LMBRD2: variants seen among roughly 807,000 people sequenced by gnomAD.
The protein encoded by LMBRD2 is G protein-coupled receptor-associated protein LMBRD2.
Under a neutral mutation model 94.4 loss-of-function variants are expected in LMBRD2, and 55 were observed. That is an observed-to-expected ratio of 0.58 (90% CI 0.47 to 0.73). The LOEUF (loss-of-function observed/expected upper bound fraction) is 0.73, where lower values mean the gene tolerates loss of function less well. LMBRD2 is among the 30% of genes least tolerant of loss of function. The pLI is 0.00. For synonymous variants in LMBRD2, 246 were observed against 272.4 expected (o/e 0.90, Z 0.95); for missense variants, 640 against 831.9 (o/e 0.77, Z 2.84).
intron 15 of LMBRD2, among the ~76,000 whole-genome samples, chr5:36,109,723 AAC>A (rs1357206691): frequency 6.6e-6 from 1 of 152,066 alleles, no homozygotes; most frequent in Non-Finnish European, 1.5e-5. Flanking sequence ...CTCGATGCTA[AAC>A]ACAAAGAAAT....
chr5:36,119,261 T>A lies in LMBRD2; in HGVS notation c.1121-1345A>T, dbSNP rs147345737. Among the ~76,000 whole-genome samples, 498 of 152,270 alleles carry A rather than the reference T, an allele frequency of 3.3e-3. 4 individuals are homozygous for A. Among genetic ancestry groups the A allele is most frequent in the African/African-American group, 0.011 (469 of 41,554 alleles). On this transcript the variant is annotated intron_variant, in intron 9 of 17. Transcript: ENST00000296603. The stretch of plus-strand genomic sequence containing the variant: ...CTACCTCAATTACTTGTTGCTATAG[T>A]GATGCCTAAACCTTTTATTATCAAT...
rs780667885 is a variant in LMBRD2, at chr5:36,137,369, T to C, written c.441A>G (p.Ala147=). The C allele has an allele frequency of 3.1e-6, 5 of 1,607,480 alleles. No individual in the cohort carries two copies. The highest frequency in any genetic ancestry group is 1.7e-4 in the Middle Eastern group (1 of 6,038). ...CATAGTAGATTGCATTCTCAATTAG[T>C]GCAGTTTTGATCTTTCCAGTGATGG... The part of the protein sequence containing the change: ...GFSITGKIKT[A]LIENAIYYGT... Residue 147 remains alanine, a synonymous_variant, in exon 5 of 18, where the codon GCA becomes GCG. Transcript: ENST00000296603.
chr5:36,133,966 A>G (rs934204994), intron 6 of LMBRD2, among the ~76,000 whole-genome samples: 10 of 152,132 alleles, frequency 6.6e-5, no homozygotes, highest in African/African-American at 2.4e-4. Flanking sequence ...ATCTGAAACA[A>G]CTGAATTTAA....
In LMBRD2 at chr5:36,107,297, C is replaced by A. The variant is rs143371460; in HGVS notation, c.1897+1237G>T. Among the ~76,000 whole-genome samples, 138 of 152,340 alleles carry A rather than the reference C, an allele frequency of 9.1e-4. 2 individuals carry two copies. The East Asian group carries it at 0.024, about 26-fold the overall frequency. On this transcript the variant is annotated intron_variant, in intron 16 of 17. Transcript: ENST00000296603. The stretch of plus-strand genomic sequence containing the variant: ...CATTTAACATATCAATTGGTTATTT[C>A]AAAGTCACTGCACTGTCTGATAATT...
At chr5:36,140,808 G>C (rs941316513) in intron 4 of LMBRD2, among the ~76,000 whole-genome samples, 1 of 152,212 alleles carries the variant, frequency 6.6e-6, no homozygotes, top group African/African-American at 2.4e-5. Context: ...GTCTGGCAAT[G>C]TTGAGAGCCC....
intron 6 of LMBRD2, 60 bp from the exon 7 acceptor site, chr5:36,124,325 T>TGCATTCTCATTTG: frequency 1.1e-6 from 1 of 938,666 alleles, no homozygotes; most frequent in Non-Finnish European, 1.7e-6. Flanking sequence ...ATATTCCAAA[T>TGCATTCTCATTTG]GAGAATGCAT....
rs1404494184 is a variant in LMBRD2 at position 36,116,511 on chromosome 5, T to A, written c.1385A>T (p.Tyr462Phe). 1.9e-6 allele frequency: 3 copies of A among 1,612,862 alleles called. No individual in the cohort carries two copies. The Admixed American group carries it at 5.0e-5, about 27-fold the overall frequency. Residue 462 changes from tyrosine (Y) to phenylalanine (F), a missense_variant, in exon 11 of 18, where the codon TAT becomes TTT. Around this residue, in one of 2 missense-constraint regions of LMBRD2, gnomAD observed 457 missense variants for 642.8 expected, o/e 0.71. Transcript: ENST00000296603. ...VFRIRVFNYY[Y>F]LASHHQTDAY... is the part of the protein sequence containing the mutation. The stretch of plus-strand genomic sequence containing the variant: ...ATCAGTCTGGTGATGTGAGGCCAAA[T>A]AATAATAGTTAAATACACGAATCCT...
chr5:36,121,497 G>T lies in LMBRD2; in HGVS notation c.1120+783C>A, dbSNP rs1743886527. On this transcript the variant is annotated intron_variant, in intron 9 of 17. Coordinates refer to ENST00000296603, the MANE Select transcript of LMBRD2 (RefSeq NM_001007527.2). ...CACTAAATTTGACAATACTTGAAGGGATTGCCATAAATTAGCAAAAAGGAG... is the reference window on the plus strand; with the variant it reads ...CACTAAATTTGACAATACTTGAAGGTATTGCCATAAATTAGCAAAAAGGAG... Among the ~76,000 whole-genome samples the T allele has an allele frequency of 6.6e-5, 10 of 152,266 alleles. No homozygotes were observed. In the South Asian group the frequency reaches 2.1e-3, roughly 32 times the overall value.
Position 36,103,260 on chromosome 5 carries a change from C to A in LMBRD2, c.*786G>T, listed in dbSNP as rs1212668754. On this transcript the variant is annotated 3_prime_UTR_variant, in exon 18 of 18. Coordinates refer to ENST00000296603, the MANE Select transcript of LMBRD2 (RefSeq NM_001007527.2). ...ATGCCTAGGATTTATCCTTGAATAT[C>A]ATAATCAACATTTAAATCAATATGT... is the stretch of plus-strand genomic sequence containing the variant. The A allele has an allele frequency of 4.6e-5, 7 of 152,010 alleles. No individual in the cohort carries two copies. The Admixed American group carries it at 4.6e-4, about 10-fold the overall frequency. The allele number at this position is 152,010 out of a possible 1,614,324, so 9.4% of individuals were successfully genotyped here. A position where few individuals can be genotyped will look rare whatever the true frequency, so the allele number is the denominator to read the frequency against.
chr5:36,144,735 AATC>A, intron 1 of LMBRD2, among the ~76,000 whole-genome samples: 1 of 152,306 alleles, frequency 6.6e-6, no homozygotes, highest in South Asian at 2.1e-4. Flanking sequence ...AAATACTTCA[AATC>A]AACAAACATC....
At chr5:36,108,382 C>A in intron 16 of LMBRD2, 152 bp downstream of exon 16, 1 of 470,328 alleles carries the variant, frequency 2.1e-6, no homozygotes, top group Non-Finnish European at 3.9e-6. Context: ...CTTCTATATA[C>A]TGAGGAATGC....
chr5:36,140,101 T>G (rs112859338), intron 4 of LMBRD2, among the ~76,000 whole-genome samples: 5,407 of 152,312 alleles, frequency 0.035, 320 homozygotes, highest in African/African-American at 0.12. Flanking sequence ...CTGAGGTTTC[T>G]GGCATCTCCA....
chr5:36,116,317 T>C, intron 11 of LMBRD2, 143 bp downstream of exon 11: 1 of 811,488 alleles, frequency 1.2e-6, no homozygotes, highest in Non-Finnish European at 2.0e-6. Context: ...TCAACAAACA[T>C]CAATTTAATA....
intron 16 of LMBRD2, among the ~76,000 whole-genome samples, chr5:36,108,278 C>T (rs544847838): frequency 6.6e-6 from 1 of 152,182 alleles, no homozygotes; most frequent in Admixed American, 6.5e-5. Context: ...GGGATAAGTG[C>T]TTACATTATT....
chr5:36,114,996 A>G lies in LMBRD2; in HGVS notation c.1542+19T>C. The G allele has an allele frequency of 3.4e-6, 5 of 1,469,226 alleles. No individual in the cohort carries two copies. Among genetic ancestry groups the G allele is most frequent in the Non-Finnish European group, 1.9e-6 (2 of 1,054,178 alleles). 91.0% of individuals were successfully genotyped at this position (1,469,226 alleles called of 1,614,324 possible). ...ATAGATAGTGAACCTAAGGAATTCT[A>G]TTTTCTGACCGTACTTACAGATGTA... On this transcript the variant is annotated intron_variant, in intron 12 of 17. Transcript: ENST00000296603.
chr5:36,129,653 T>G (rs1744087538), intron 6 of LMBRD2, among the ~76,000 whole-genome samples: 1 of 152,068 alleles, frequency 6.6e-6, no homozygotes, highest in Non-Finnish European at 1.5e-5. Context: ...TGATGAGCAA[T>G]AAAAATCATC....
At chr5:36,140,945 G>T in intron 4 of LMBRD2, 162 bp downstream of exon 4, 1 of 523,152 alleles carries the variant, frequency 1.9e-6, no homozygotes, top group South Asian at 2.7e-5. Flanking sequence ...TTAGTAGACA[G>T]TGGATAACTA....
At chr5:36,149,186 G>C (rs899441985) in intron 1 of LMBRD2, among the ~76,000 whole-genome samples, 1 of 151,996 alleles carries the variant, frequency 6.6e-6, no homozygotes, top group Non-Finnish European at 1.5e-5. Flanking sequence ...CTGTTCAAGG[G>C]GCTGGAGATA....
At chr5:36,146,054 T>C (rs1452439044) in intron 1 of LMBRD2, among the ~76,000 whole-genome samples, 1 of 152,220 alleles carries the variant, frequency 6.6e-6, no homozygotes, top group African/African-American at 2.4e-5. Context: ...GCACTCTGTT[T>C]TTCAGTCTGA....
Sources: gnomAD v4.1 joint callset for allele counts (sites outside exome capture counted in the v4.1 genomes callset) on GRCh38, gnomAD v4.1.1 for gene constraint, gnomAD v4.1.1 regional missense constraint, MANE v1.5 for transcripts, NCBI Gene and HGNC (gene_info 2026-07-23, HGNC 2026-07-21) for gene names.